The following AGBL1 variants were observed in gnomAD, a reference collection of about 807,000 sequenced individuals.
The protein encoded by AGBL1 is cytosolic carboxypeptidase 4.
In AGBL1, 130 loss-of-function variants were observed where a neutral mutation model predicts 118.9. The observed-to-expected ratio is 1.09, with a 90% CI of 0.95 to 1.26. The LOEUF is 1.26. AGBL1 is among the 50% of genes most tolerant of loss of function. AGBL1 has a pLI of 0.00. For synonymous variants in AGBL1, 555 were observed against 478.9 expected (o/e 1.16, Z -2.08); for missense variants, 1,584 against 1,298.1 (o/e 1.22, Z -3.38).
intron 18 of AGBL1, among the ~76,000 whole-genome samples, chr15:86,435,167 G>A (rs2081986329): frequency 1.3e-5 from 2 of 151,954 alleles, no homozygotes; most frequent in Non-Finnish European, 1.5e-5. Flanking sequence ...AACCTACCAA[G>A]TAAATCTCTA....
At chr15:86,122,276 G>A (rs1898136405) in intron 1 of AGBL1, among the ~76,000 whole-genome samples, 1 of 152,130 alleles carries the variant, frequency 6.6e-6, no homozygotes, top group South Asian at 2.1e-4. Context: ...ATGGAAAATA[G>A]GAAGGAGGAG....
intron 23 of AGBL1, among the ~76,000 whole-genome samples, chr15:86,962,803 C>A (rs2141688434): frequency 6.6e-6 from 1 of 152,120 alleles, no homozygotes; most frequent in African/African-American, 2.4e-5. Flanking sequence ...ACTCTGGTCC[C>A]ACCTCAGAGC....
intron 18 of AGBL1, among the ~76,000 whole-genome samples, chr15:86,450,408 A>G (rs1448810723): frequency 6.6e-6 from 1 of 152,226 alleles, no homozygotes; most frequent in African/African-American, 2.4e-5. Flanking sequence ...AGTCAGCGGT[A>G]AAATCATACC....
chr15:86,966,301 A>G (rs968281633), intron 23 of AGBL1, among the ~76,000 whole-genome samples: 1 of 151,228 alleles, frequency 6.6e-6, no homozygotes, highest in Non-Finnish European at 1.5e-5. Context: ...TTTTAACAGA[A>G]ATCCTCATTC....
At chr15:86,346,232 C>T (rs575608263) in intron 17 of AGBL1, among the ~76,000 whole-genome samples, 4 of 152,282 alleles carry the variant, frequency 2.6e-5, no homozygotes, top group East Asian at 3.9e-4. Context: ...CTGCCCATCT[C>T]GGCCTCCCAA....
intron 23 of AGBL1, among the ~76,000 whole-genome samples, chr15:86,950,087 C>G (rs2080863587): frequency 6.6e-6 from 1 of 151,760 alleles, no homozygotes; most frequent in South Asian, 2.1e-4. Flanking sequence ...ATATTTTGAA[C>G]TAAAAGACCA....
intron 21 of AGBL1, among the ~76,000 whole-genome samples, chr15:86,649,857 A>G (rs1393464975): frequency 1.3e-5 from 2 of 151,982 alleles, no homozygotes; most frequent in Non-Finnish European, 2.9e-5. Context: ...ACTTTTGTAA[A>G]TCTACCTAAT....
At chr15:86,296,737 G>A (rs1053461045) in intron 17 of AGBL1, 3 of 152,186 alleles carry the variant, frequency 2.0e-5, no homozygotes, top group Admixed American at 6.5e-5. Flanking sequence ...TGTGTTTTAT[G>A]CATTTAAGAG....
At chr15:86,474,071 CA>C (rs1156691304) in intron 18 of AGBL1, among the ~76,000 whole-genome samples, 2 of 152,012 alleles carry the variant, frequency 1.3e-5, no homozygotes, top group African/African-American at 4.8e-5. Flanking sequence ...TTGACACACA[CA>C]AAAAATGAGT....
At chr15:86,828,651 C>T (rs903872897) in intron 22 of AGBL1, among the ~76,000 whole-genome samples, 6 of 152,038 alleles carry the variant, frequency 3.9e-5, no homozygotes, top group Non-Finnish European at 7.4e-5. Flanking sequence ...AAGGGACCAG[C>T]GCTTCTGACA....
chr15:86,438,732 G>C (rs1370189347), intron 18 of AGBL1, among the ~76,000 whole-genome samples: 2 of 146,482 alleles, frequency 1.4e-5, no homozygotes, highest in Admixed American at 1.4e-4. Context: ...TGCCATCTCA[G>C]CTTACTGCAA....
rs1555462956 is a variant in AGBL1 at position 86,298,272 on chromosome 15, T to TATAC, written c.2374+2867_2374+2868insCATA. Among the ~76,000 whole-genome samples the TATAC allele has an allele frequency of 5.3e-5, 6 of 114,002 alleles. No homozygotes were observed. The East Asian group carries it at 1.4e-3, about 26-fold the overall frequency. 74.8% of individuals were successfully genotyped at this position (114,002 alleles called of 152,430 possible). A position where few individuals can be genotyped will look rare whatever the true frequency, so the allele number is the denominator to read the frequency against. ...ATATATATATATATATATATATATA[T>TATAC]ATATATATGGTAACTATATATATAT... On this transcript the variant is annotated intron_variant, in intron 17 of 22. Transcript: ENST00000614907.
rs191663769 is a variant in AGBL1 at position 86,172,820 on chromosome 15, G to T, written c.488+13794G>T. 3.2e-4 allele frequency among the ~76,000 whole-genome samples: 48 copies of T among 152,220 alleles called. 1 individual carries two copies. The East Asian group carries it at 6.0e-3, about 19-fold the overall frequency. On this transcript the variant is annotated intron_variant, in intron 5 of 22. Transcript: ENST00000614907. ...GTGCTGCAATAAACATGGGAAGCAG[G>T]TATCTCTTTAATATACTGATTTCCT...
intron 23 of AGBL1, among the ~76,000 whole-genome samples, chr15:86,981,977 A>G (rs2081235768): frequency 6.6e-6 from 1 of 152,186 alleles, no homozygotes; most frequent in African/African-American, 2.4e-5. Flanking sequence ...TACTTTAAAA[A>G]TTATAATGTA....
chr15:86,755,224 A>C (rs1344377958), intron 22 of AGBL1, among the ~76,000 whole-genome samples: 1 of 152,094 alleles, frequency 6.6e-6, no homozygotes, highest in Non-Finnish European at 1.5e-5. Context: ...TGGATGACCT[A>C]ATGTTTTTGG....
At chr15:86,784,301 T>C (rs915475298) in intron 22 of AGBL1, among the ~76,000 whole-genome samples, 1 of 152,138 alleles carries the variant, frequency 6.6e-6, no homozygotes, top group Admixed American at 6.5e-5. Flanking sequence ...TCAGGAAAAA[T>C]ATAGCCAGAA....
intron 22 of AGBL1, among the ~76,000 whole-genome samples, chr15:86,897,554 T>G (rs936046251): frequency 6.6e-6 from 1 of 152,062 alleles, no homozygotes; most frequent in Non-Finnish European, 1.5e-5. Flanking sequence ...TTTTCAATGT[T>G]TCTTTCATAT....
chr15:86,730,728 G>T (rs910302355), intron 22 of AGBL1, among the ~76,000 whole-genome samples: 1 of 152,192 alleles, frequency 6.6e-6, no homozygotes, highest in Admixed American at 6.5e-5. Flanking sequence ...CATGGGAATG[G>T]ACTTTACAAG....
At chr15:86,642,132 A>T (rs1368080746) in intron 21 of AGBL1, among the ~76,000 whole-genome samples, 3 of 152,300 alleles carry the variant, frequency 2.0e-5, no homozygotes, top group Admixed American at 6.5e-5. Context: ...AACCTCAATG[A>T]AACAGGGAAA....
Sources: gnomAD v4.1 joint callset for allele counts (sites outside exome capture counted in the v4.1 genomes callset) on GRCh38, gnomAD v4.1.1 for gene constraint, MANE v1.5 for transcripts, NCBI Gene and HGNC (gene_info 2026-07-23, HGNC 2026-07-21) for gene names.